Variants in LPAR3 observed in about 807,000 individuals in gnomAD.
The protein encoded by LPAR3 is lysophosphatidic acid receptor 3.
A neutral mutation model predicts 17.8 loss-of-function variants in LPAR3; 7 were observed. The observed-to-expected ratio is 0.39, with a 90% confidence interval of 0.22 to 0.74. LPAR3 has a LOEUF of 0.74. LPAR3 is among the 30% of genes least tolerant of loss of function. The pLI is 0.40. For missense variants in LPAR3, 391 were observed against 453.4 expected (o/e 0.86, Z 1.25); for synonymous variants, 179 against 179.9 (o/e 0.99, Z 0.04).
At chr1:84,880,840 G>A (rs1365401540) in intron 1 of LPAR3, among the ~76,000 whole-genome samples, 1 of 152,226 alleles carries the variant, frequency 6.6e-6, no homozygotes, top group Admixed American at 6.5e-5. Context: ...ACAGAAGAAG[G>A]AAGGACTTCC....
chr1:84,868,057 T>C (rs1660087906), intron 1 of LPAR3, among the ~76,000 whole-genome samples: 1 of 152,210 alleles, frequency 6.6e-6, no homozygotes, highest in Admixed American at 6.5e-5. Flanking sequence ...GTAAAGGATA[T>C]AAATCTATTT....
chr1:84,852,597 T>C (rs914740143), intron 2 of LPAR3, among the ~76,000 whole-genome samples: 1 of 152,110 alleles, frequency 6.6e-6, no homozygotes, highest in Admixed American at 6.5e-5. Context: ...GATTGGGATC[T>C]CCTGAAAGGC....
At chr1:84,886,005 C>T (rs1218758783) in intron 1 of LPAR3, among the ~76,000 whole-genome samples, 1 of 152,156 alleles carries the variant, frequency 6.6e-6, no homozygotes, top group African/African-American at 2.4e-5. Flanking sequence ...TACACATATA[C>T]ACATATATTT....
chr1:84,870,409 G>A (rs1660138322), intron 1 of LPAR3, among the ~76,000 whole-genome samples: 1 of 152,190 alleles, frequency 6.6e-6, no homozygotes, highest in African/African-American at 2.4e-5. Flanking sequence ...AGTATTTGTT[G>A]AATGAATGAA....
At chr1:84,892,088 C>G (rs1413064570) in intron 1 of LPAR3, among the ~76,000 whole-genome samples, 1 of 151,938 alleles carries the variant, frequency 6.6e-6, no homozygotes, top group African/African-American at 2.4e-5. Flanking sequence ...TGGTGGGCGC[C>G]TGCAATCCCA....
At chr1:84,880,376 T>C (rs1374554748) in intron 1 of LPAR3, among the ~76,000 whole-genome samples, 2 of 152,222 alleles carry the variant, frequency 1.3e-5, no homozygotes, top group Non-Finnish European at 2.9e-5. Flanking sequence ...GAATGGACAG[T>C]GTCCAGAAAC....
At chr1:84,877,768 C>T (rs1312737112) in intron 1 of LPAR3, among the ~76,000 whole-genome samples, 3 of 152,134 alleles carry the variant, frequency 2.0e-5, no homozygotes, top group Non-Finnish European at 4.4e-5. Context: ...GCATTCTTCA[C>T]CTACGTGTCA....
intron 1 of LPAR3, among the ~76,000 whole-genome samples, chr1:84,890,330 G>A (rs1471690660): frequency 2.6e-5 from 4 of 152,184 alleles, no homozygotes; most frequent in African/African-American, 9.7e-5. Context: ...ACTTTTACCA[G>A]AATATACATT....
chr1:84,886,320 T>C lies in LPAR3; in HGVS notation c.-19+6696A>G, dbSNP rs565268009. Among the ~76,000 whole-genome samples, 4 of 152,082 alleles carry C rather than the reference T, an allele frequency of 2.6e-5. No individual in the cohort carries two copies. The South Asian group carries it at 8.3e-4, about 32-fold the overall frequency. ...GCAGGAGGATGATTCAAGGCTGGAG[T>C]TGGAGGCCAGCCTGGGCAACACAGC... On this transcript the variant is annotated intron_variant, in intron 1 of 2. Coordinates refer to ENST00000370611, the MANE Select transcript of LPAR3 (RefSeq NM_012152.3).
At chr1:84,892,214 AAAAT>A (rs71097866) in intron 1 of LPAR3, among the ~76,000 whole-genome samples, 23,853 of 135,406 alleles carry the variant, frequency 0.18, 2,182 homozygotes, top group Non-Finnish European at 0.23. Flanking sequence ...CTGTGTCTCA[AAAAT>A]AAATAAATAA....
chr1:84,834,689 G>C (rs1240541999), intron 2 of LPAR3, among the ~76,000 whole-genome samples: 1 of 152,162 alleles, frequency 6.6e-6, no homozygotes, highest in Admixed American at 6.5e-5. Context: ...AATGAGATCA[G>C]GTCATCAGCC....
chr1:84,885,142 A>T (rs1660434154), intron 1 of LPAR3, among the ~76,000 whole-genome samples: 1 of 152,200 alleles, frequency 6.6e-6, no homozygotes, highest in African/African-American at 2.4e-5. Flanking sequence ...TACTATTGGC[A>T]TCTACCGGGC....
chr1:84,879,316 C>CTTTTTTCTTTTTTTTTT (rs1553149965), intron 1 of LPAR3, among the ~76,000 whole-genome samples: 313 of 120,530 alleles, frequency 2.6e-3, no homozygotes, highest in Middle Eastern at 4.4e-3. Context: ...TTTCTTTTTT[C>CTTTTTTCTTTTTTTTTT]TTTTTTTTTT....
Position 84,866,127 on chromosome 1 carries a change from G to GAAA in LPAR3, c.-8_-7insTTT, listed in dbSNP as rs1660045071. 1.3e-6 allele frequency: 2 copies of GAAA among 1,562,040 alleles called. No individual in the cohort carries two copies. The highest frequency in any genetic ancestry group is 1.7e-6 in the Non-Finnish European group (2 of 1,158,590). On this transcript the variant is annotated 5_prime_UTR_variant, in exon 2 of 3. Transcript: ENST00000370611. ...CATAGTGACACTCATTCATTGTGGA[G>GAAA]AAGTGAACATCCTAGAAAGAAATTT...
At chr1:84,861,616 C>A (rs1659943437) in intron 2 of LPAR3, among the ~76,000 whole-genome samples, 1 of 152,140 alleles carries the variant, frequency 6.6e-6, no homozygotes, top group Non-Finnish European at 1.5e-5. Flanking sequence ...GGGGGTAAAA[C>A]CCAAATCTTT....
rs572403863 is a variant in LPAR3, at chr1:84,865,603, A to G, written c.518T>C (p.Ile173Thr). ...PTLGWNCLCN[I>T]SACSSLAPIY... The stretch of plus-strand genomic sequence containing the variant: ...GGGGGCCAGGGAAGAGCAGGCAGAG[A>G]TGTTGCAGAGGCAATTCCAGCCCAG... Residue 173 changes from isoleucine (I) to threonine (T), a missense_variant, in exon 2 of 3, where the codon ATC becomes ACC. Coordinates refer to ENST00000370611, the MANE Select transcript of LPAR3 (RefSeq NM_012152.3). 1.3e-4 allele frequency: 204 copies of G among 1,614,200 alleles called. 2 individuals carry two copies. In the South Asian group the frequency reaches 2.2e-3, roughly 17 times the overall value.
chr1:84,830,472 A>C (rs1449313398), intron 2 of LPAR3, among the ~76,000 whole-genome samples: 9 of 152,146 alleles, frequency 5.9e-5, no homozygotes, highest in African/African-American at 2.2e-4. Flanking sequence ...CCTGTGTGCG[A>C]ATCTTTCCCC....
At chr1:84,886,240 A>G (rs1570909961) in intron 1 of LPAR3, among the ~76,000 whole-genome samples, 1 of 152,234 alleles carries the variant, frequency 6.6e-6, no homozygotes, top group East Asian at 1.9e-4. Context: ...CTAATACTGT[A>G]TTGAGGCTGA....
chr1:84,884,946 T>A (rs1660430466), intron 1 of LPAR3, among the ~76,000 whole-genome samples: 1 of 152,234 alleles, frequency 6.6e-6, no homozygotes, highest in African/African-American at 2.4e-5. Context: ...CCTGTCCAGC[T>A]AACGTTCTCT....
Sources: gnomAD v4.1 joint callset for allele counts (sites outside exome capture counted in the v4.1 genomes callset) on GRCh38, gnomAD v4.1.1 for gene constraint, MANE v1.5 for transcripts, NCBI Gene and HGNC (gene_info 2026-07-23, HGNC 2026-07-21) for gene names.